Variants in ADIPOR2 observed in about 807,000 individuals in gnomAD.
ADIPOR2 encodes adiponectin receptor protein 2.
In ADIPOR2, 18 loss-of-function variants were observed where a neutral mutation model predicts 40.9. The observed-to-expected ratio is 0.44, with a 90% CI of 0.30 to 0.65. The LOEUF (loss-of-function observed/expected upper bound fraction) is 0.65. Ranked by LOEUF, ADIPOR2 falls within the 30% of genes least tolerant of loss-of-function variation. ADIPOR2 has a pLI of 0.09. For synonymous variants in ADIPOR2, 165 were observed against 166.4 expected, an observed-to-expected ratio of 0.99 and a Z score of 0.06; for missense variants, 283 against 479.2, an observed-to-expected ratio of 0.59 and a Z score of 3.82.
intron 6 of ADIPOR2, among the ~76,000 whole-genome samples, chr12:1,782,904 C>T (rs934812035): frequency 6.6e-6 from 1 of 151,768 alleles, no homozygotes; most frequent in Non-Finnish European, 1.5e-5. Context: ...TTTAAGTGCC[C>T]AGTTATAGGT....
chr12:1,706,375 T>C (rs1049308253), intron 1 of ADIPOR2, among the ~76,000 whole-genome samples: 3 of 152,188 alleles, frequency 2.0e-5, no homozygotes, highest in Non-Finnish European at 4.4e-5. Context: ...CTGAAGTAGG[T>C]CACAAGAAGG....
At chr12:1,779,484 G>A (rs555137314) in intron 4 of ADIPOR2, among the ~76,000 whole-genome samples, 65 of 152,330 alleles carry the variant, frequency 4.3e-4, no homozygotes, top group African/African-American at 1.5e-3. Flanking sequence ...CATAAAGACA[G>A]TAGATTAGTG....
At chr12:1,765,412 T>C (rs1042433858) in intron 2 of ADIPOR2, among the ~76,000 whole-genome samples, 1 of 152,212 alleles carries the variant, frequency 6.6e-6, no homozygotes, top group African/African-American at 2.4e-5. Flanking sequence ...TCTTAGCTTC[T>C]GTTTCTTCAT....
chr12:1,740,226 G>A (rs914359453), intron 1 of ADIPOR2, among the ~76,000 whole-genome samples: 10 of 152,186 alleles, frequency 6.6e-5, no homozygotes, highest in Non-Finnish European at 1.3e-4. Flanking sequence ...AAAGTGATGT[G>A]CTATTCTATT....
intron 1 of ADIPOR2, among the ~76,000 whole-genome samples, chr12:1,744,855 G>A (rs1407753853): frequency 1.3e-5 from 2 of 152,106 alleles, no homozygotes; most frequent in Non-Finnish European, 2.9e-5. Context: ...AAGCTCTATC[G>A]AGTTCAAGAA....
chr12:1,785,813 T>G, intron 7 of ADIPOR2, 131 bp from the exon 8 acceptor site: 1 of 1,240,006 alleles, frequency 8.1e-7, no homozygotes, highest in Non-Finnish European at 1.1e-6. Flanking sequence ...ACGCCTTGAA[T>G]TTGAGCTCTG....
At chr12:1,705,699 G>C (rs1234274064) in intron 1 of ADIPOR2, among the ~76,000 whole-genome samples, 1 of 152,092 alleles carries the variant, frequency 6.6e-6, no homozygotes, top group African/African-American at 2.4e-5. Context: ...ATAGATCTTG[G>C]GAAATGAGGA....
chr12:1,724,375 G>T (rs991160545), intron 1 of ADIPOR2, among the ~76,000 whole-genome samples: 10 of 152,110 alleles, frequency 6.6e-5, no homozygotes, highest in African/African-American at 2.4e-4. Flanking sequence ...AGTGAAACTG[G>T]CCAGTGAAAC....
Position 1,784,007 on chromosome 12 carries a change from C to T in ADIPOR2, c.966C>T (p.Ile322=), listed in dbSNP as rs1482410528. The change falls in exon 7 of 8, where the codon ATC becomes ATT. Residue 322 remains isoleucine, a synonymous_variant. Coordinates refer to ENST00000357103, the MANE Select transcript of ADIPOR2 (RefSeq NM_024551.3). The part of the protein sequence containing the change: ...GWLMLMASLY[I]TGAALYAARI... ...TGATGCTGATGGCCAGCCTCTACATCACAGGAGCTGCCCTGTATGCTGCCC... is the reference window on the plus strand; with the variant it reads ...TGATGCTGATGGCCAGCCTCTACATTACAGGAGCTGCCCTGTATGCTGCCC... The T allele has an allele frequency of 1.2e-6, 2 of 1,613,774 alleles. No homozygotes were observed. The highest frequency in any genetic ancestry group is 3.3e-5 in the Admixed American group (2 of 59,996).
intron 2 of ADIPOR2, among the ~76,000 whole-genome samples, chr12:1,758,262 G>A (rs913155725): frequency 3.3e-5 from 5 of 152,168 alleles, no homozygotes; most frequent in African/African-American, 1.2e-4. Context: ...TGCCCTGAAA[G>A]CCTCTCTTTG....
chr12:1,765,135 A>C (rs1034213993), intron 2 of ADIPOR2, among the ~76,000 whole-genome samples: 2 of 152,254 alleles, frequency 1.3e-5, no homozygotes, highest in East Asian at 3.9e-4. Context: ...ACTACATGAT[A>C]CTCACATTTT....
chr12:1,761,483 A>G (rs1184964649), intron 2 of ADIPOR2, among the ~76,000 whole-genome samples: 3 of 152,176 alleles, frequency 2.0e-5, no homozygotes, highest in Non-Finnish European at 4.4e-5. Flanking sequence ...CCCACCAACA[A>G]TGTGTGGGGG....
chr12:1,717,396 G>A (rs1196720953), intron 1 of ADIPOR2, among the ~76,000 whole-genome samples: 3 of 152,052 alleles, frequency 2.0e-5, no homozygotes, highest in African/African-American at 2.4e-5. Flanking sequence ...AGAACATAAC[G>A]TTTATGTTTG....
intron 1 of ADIPOR2, 99 bp downstream of exon 1, chr12:1,691,290 A>AG (rs1418169790): frequency 6.6e-6 from 1 of 152,316 alleles, no homozygotes; most frequent in Non-Finnish European, 1.5e-5. Context: ...GTGAGAGCTG[A>AG]GGGGCGAATG....
At chr12:1,765,661 C>T (rs1343545863) in intron 2 of ADIPOR2, among the ~76,000 whole-genome samples, 1 of 152,154 alleles carries the variant, frequency 6.6e-6, no homozygotes, top group Non-Finnish European at 1.5e-5. Flanking sequence ...ATCTCAGCCA[C>T]CCTTGATTTC....
intron 2 of ADIPOR2, among the ~76,000 whole-genome samples, chr12:1,769,548 A>G (rs1565655279): frequency 6.6e-6 from 1 of 152,176 alleles, no homozygotes; most frequent in Non-Finnish European, 1.5e-5. Flanking sequence ...CTTCTGAAGG[A>G]AATATTTTTG....
intron 1 of ADIPOR2, among the ~76,000 whole-genome samples, chr12:1,749,288 A>G (rs1170685351): frequency 6.6e-6 from 1 of 152,150 alleles, no homozygotes; most frequent in Non-Finnish European, 1.5e-5. Flanking sequence ...CATGACATCA[A>G]CATTCCTACC....
intron 1 of ADIPOR2, among the ~76,000 whole-genome samples, chr12:1,751,344 T>C (rs192306360): frequency 6.6e-6 from 1 of 152,314 alleles, no homozygotes; most frequent in African/African-American, 2.4e-5. Context: ...ACAGTATTGA[T>C]AGGAATGTAT....
chr12:1,779,177 C>T (rs916667369), intron 4 of ADIPOR2, among the ~76,000 whole-genome samples: 3 of 152,130 alleles, frequency 2.0e-5, no homozygotes, highest in African/African-American at 4.8e-5. Context: ...TAGTATATTA[C>T]CCAAGATGAC....
Sources: gnomAD v4.1 joint callset for allele counts (sites outside exome capture counted in the v4.1 genomes callset) on GRCh38, gnomAD v4.1.1 for gene constraint, MANE v1.5 for transcripts, NCBI Gene and HGNC (gene_info 2026-07-23, HGNC 2026-07-21) for gene names.